Variants in PCDHA1 observed in about 807,000 individuals in gnomAD.
PCDHA1 encodes protocadherin alpha-1.
PCDHA1 carries 42 observed loss-of-function variants against 61.3 expected under a neutral mutation model. The observed-to-expected ratio is 0.69, with a 90% CI of 0.54 to 0.89. PCDHA1 has a LOEUF of 0.89. PCDHA1 is among the 40% of genes least tolerant of loss of function. PCDHA1 has a pLI of 0.00. For missense variants in PCDHA1, 1,256 were observed against 1,235.3 expected, an observed-to-expected ratio of 1.02 and a Z score of -0.25; for synonymous variants, 610 against 553.8, an observed-to-expected ratio of 1.10 and a Z score of -1.43.
intron 3 of PCDHA1, among the ~76,000 whole-genome samples, chr5:140,994,117 G>A (rs889813029): frequency 2.6e-5 from 4 of 152,198 alleles, no homozygotes; most frequent in Admixed American, 6.5e-5. Flanking sequence ...ATTGTCATGT[G>A]ATAAGGGCGA....
At chr5:140,975,010 C>T (rs2096649304) in intron 1 of PCDHA1, among the ~76,000 whole-genome samples, 1 of 152,182 alleles carries the variant, frequency 6.6e-6, no homozygotes, top group Admixed American at 6.5e-5. Context: ...GAAATGAACA[C>T]AGCTGGGCTG....
intron 1 of PCDHA1, chr5:140,926,630 C>T (rs754707244): frequency 6.0e-5 from 25 of 417,902 alleles, no homozygotes; most frequent in Non-Finnish European, 3.3e-5. Context: ...CGGCGCTGCG[C>T]TCCTCAACAC....
chr5:140,843,645 G>A, intron 1 of PCDHA1: 1 of 1,595,642 alleles, frequency 6.3e-7, no homozygotes. Context: ...TTCAGCCCCT[G>A]CCTTCCTCCT....
At chr5:140,855,874 T>C (rs1554147980) in intron 1 of PCDHA1, 13 of 866,802 alleles carry the variant, frequency 1.5e-5, no homozygotes, top group East Asian at 2.6e-5. Flanking sequence ...GTCCACAAAA[T>C]AGCTTTTTAG....
In PCDHA1 at chr5:140,823,634, C is replaced by G. The variant is rs2150127652; in HGVS notation, c.2394+34950C>G. On this transcript the variant is annotated intron_variant, in intron 1 of 3. Transcript: ENST00000504120. The stretch of plus-strand genomic sequence containing the variant: ...CCAGCGCCTGGCAGTGCGCGCATCC[C>G]GTTCCGCGTGGGGCTGTACACAGGC... 6.2e-6 allele frequency: 10 copies of G among 1,613,940 alleles called. No homozygotes were observed. Among genetic ancestry groups the G allele is most frequent in the Admixed American group, 1.7e-5 (1 of 60,012 alleles).
chr5:140,794,584 T>C (rs1554119133), intron 1 of PCDHA1, among the ~76,000 whole-genome samples: 2 of 152,256 alleles, frequency 1.3e-5, no homozygotes, highest in African/African-American at 4.8e-5. Flanking sequence ...ATTACTGAAA[T>C]GTACATTTAA....
In PCDHA1 at chr5:140,787,469, C is replaced by T. The variant is rs782637108; in HGVS notation, c.1179C>T (p.Val393=). The T allele has an allele frequency of 6.2e-7, 1 of 1,614,218 alleles. No individual in the cohort carries two copies. The highest frequency in any genetic ancestry group is 1.1e-5 in the South Asian group (1 of 91,086). ...GQVTCSLMPH[V]PFKLVSTFKN... is the part of the protein sequence containing the mutation. Reference sequence around the variant, plus strand: ...TGACTTGCTCCTTAATGCCCCACGTCCCCTTCAAGCTGGTGTCCACCTTCA... The same window carrying T: ...TGACTTGCTCCTTAATGCCCCACGTTCCCTTCAAGCTGGTGTCCACCTTCA... The change falls in exon 1 of 4, where the codon GTC becomes GTT. Residue 393 remains valine, a synonymous_variant. Coordinates refer to ENST00000504120, the MANE Select transcript of PCDHA1 (RefSeq NM_018900.4).
chr5:140,848,218 A>T (rs1404023746), intron 1 of PCDHA1: 1 of 371,682 alleles, frequency 2.7e-6, no homozygotes, highest in Non-Finnish European at 4.8e-6. Flanking sequence ...TTAAGAAAAA[A>T]TTAAGAAAAT....
At chr5:140,877,869 T>G (rs782747532) in intron 1 of PCDHA1, 1 of 1,488,856 alleles carries the variant, frequency 6.7e-7, no homozygotes, top group African/African-American at 1.4e-5. Context: ...TAGATATATT[T>G]GTTTCCTTGA....
At chr5:140,990,900 G>C (rs1164287326) in intron 3 of PCDHA1, among the ~76,000 whole-genome samples, 1 of 152,114 alleles carries the variant, frequency 6.6e-6, no homozygotes, top group Non-Finnish European at 1.5e-5. Flanking sequence ...TCGTTGCTGG[G>C]TCAAGTTTTA....
intron 1 of PCDHA1, among the ~76,000 whole-genome samples, chr5:140,923,038 T>C (rs529637754): frequency 1.2e-4 from 19 of 152,316 alleles, no homozygotes; most frequent in Admixed American, 1.0e-3. Context: ...TTACTACATG[T>C]ATAGTATTTA....
chr5:140,803,112 G>C, intron 1 of PCDHA1: 1 of 1,613,822 alleles, frequency 6.2e-7, no homozygotes, highest in Non-Finnish European at 8.5e-7. Context: ...TGCCCTGGAC[G>C]AGGTGGACGC....
At chr5:140,997,142 G>A (rs1038632915) in intron 3 of PCDHA1, among the ~76,000 whole-genome samples, 40 of 151,426 alleles carry the variant, frequency 2.6e-4, no homozygotes, top group African/African-American at 2.7e-4. Flanking sequence ...CCACACCCCC[G>A]CCACAGTGAC....
rs1019436942 is a variant in PCDHA1, at chr5:140,858,638, T to C, written c.2394+69954T>C. On this transcript the variant is annotated intron_variant, in intron 1 of 3. Transcript: ENST00000504120. ...TCCTACCCAGTGTGTCAGCCTTTGATTGGTACTTAAATTTTTTTAAATAAC... is the reference window on the plus strand; with the variant it reads ...TCCTACCCAGTGTGTCAGCCTTTGACTGGTACTTAAATTTTTTTAAATAAC... 30 of 971,874 alleles carry C rather than the reference T, an allele frequency of 3.1e-5. 2 individuals carry two copies. The highest frequency in any genetic ancestry group is 4.0e-5 in the Non-Finnish European group (27 of 675,162). 60.2% of individuals were successfully genotyped at this position (971,874 alleles called of 1,614,324 possible). A position where few individuals can be genotyped will look rare whatever the true frequency, so the allele number is the denominator to read the frequency against.
chr5:140,811,611 C>T (rs1456888905), intron 1 of PCDHA1: 1 of 152,222 alleles, frequency 6.6e-6, no homozygotes, highest in East Asian at 1.9e-4. Context: ...TTTACACTCC[C>T]ACCAACGGTG....
chr5:140,786,703 A>G lies in PCDHA1; in HGVS notation c.413A>G (p.Gln138Arg). 1 of 1,614,214 alleles carries G rather than the reference A, an allele frequency of 6.2e-7. No individual in the cohort carries two copies. Among genetic ancestry groups the G allele is most frequent in the South Asian group, 1.1e-5 (1 of 91,082 alleles). The change falls in exon 1 of 4, where the codon CAA (glutamine) becomes CGA (arginine). Residue 138 changes from glutamine to arginine, a missense_variant. Transcript: ENST00000504120. ...DNPPVFRGRE[Q>R]IIFIPESRLL... ...CCACCCGTCTTCAGGGGCAGAGAAC[A>G]AATAATATTTATTCCTGAATCTAGA...
chr5:140,882,748 A>G (rs1562779294), intron 1 of PCDHA1: 1 of 1,614,258 alleles, frequency 6.2e-7, no homozygotes, highest in Non-Finnish European at 8.5e-7. Flanking sequence ...CATCCGATGC[A>G]GATATTGGAG....
Position 140,843,849 on chromosome 5 carries a change from T to G in PCDHA1, c.2394+55165T>G. 2 of 972,226 alleles carry G rather than the reference T, an allele frequency of 2.1e-6. 1 individual carries two copies. Among genetic ancestry groups the G allele is most frequent in the South Asian group, 3.4e-5 (2 of 58,960 alleles). 60.2% of individuals were successfully genotyped at this position (972,226 alleles called of 1,614,324 possible). ...ACATTGTTTAGTTTTTAGAAACCTTTTATAATTAATTGAATTTTCTCAGTG... is the reference window on the plus strand; with the variant it reads ...ACATTGTTTAGTTTTTAGAAACCTTGTATAATTAATTGAATTTTCTCAGTG... On this transcript the variant is annotated intron_variant, in intron 1 of 3. Transcript: ENST00000504120.
At chr5:140,830,267 C>G in intron 1 of PCDHA1, 1 of 1,613,636 alleles carries the variant, frequency 6.2e-7, no homozygotes, top group Non-Finnish European at 8.5e-7. Context: ...GTGCTCGGCG[C>G]CACCCACCGA....
Sources: allele counts gnomAD v4.1 joint callset (sites outside exome capture counted in the v4.1 genomes callset), GRCh38; gene constraint gnomAD v4.1.1; transcripts MANE v1.5; gene names NCBI Gene and HGNC (gene_info 2026-07-23, HGNC 2026-07-21).